Variants in CADM2 observed in about 807,000 individuals in gnomAD.
The protein encoded by CADM2 is immunoglobulin superfamily member 4D.
A neutral mutation model predicts 49.8 loss-of-function variants in CADM2; 12 were observed. That is an observed-to-expected ratio of 0.24 (90% CI 0.15 to 0.39). The LOEUF is 0.39. CADM2 is among the 10% of genes least tolerant of loss of function. CADM2 has a pLI of 1.00. For missense variants in CADM2, 378 were observed against 492.3 expected (o/e 0.77, Z 2.20); for synonymous variants, 214 against 175.4 (o/e 1.22, Z -1.74).
chr3:85,901,790 G>T (rs988279240), intron 5 of CADM2, among the ~76,000 whole-genome samples: 1 of 151,954 alleles, frequency 6.6e-6, no homozygotes, highest in Non-Finnish European at 1.5e-5. Flanking sequence ...GATAACTCCC[G>T]ACTTTCCCCC....
chr3:85,629,494 C>T (rs1344805346), intron 1 of CADM2, among the ~76,000 whole-genome samples: 1 of 151,640 alleles, frequency 6.6e-6, no homozygotes, highest in Non-Finnish European at 1.5e-5. Context: ...TTGTTACAAA[C>T]TGGTTATATA....
At chr3:85,045,310 C>T (rs564442056) in intron 1 of CADM2, among the ~76,000 whole-genome samples, 1 of 152,252 alleles carries the variant, frequency 6.6e-6, no homozygotes, top group East Asian at 1.9e-4. Flanking sequence ...GTATGAGTTA[C>T]ATAAAATACA....
At chr3:85,904,137 A>T (rs888941490) in intron 5 of CADM2, among the ~76,000 whole-genome samples, 11 of 151,982 alleles carry the variant, frequency 7.2e-5, no homozygotes, top group African/African-American at 2.7e-4. Flanking sequence ...CTTCAGAAAA[A>T]CACTTCCCTG....
rs578209215 is a variant in CADM2, at chr3:85,623,332, T to C, written c.62-103190T>C. 4.6e-5 allele frequency among the ~76,000 whole-genome samples: 7 copies of C among 152,304 alleles called. 1 individual carries two copies. The South Asian group carries it at 1.4e-3, about 32-fold the overall frequency. On this transcript the variant is annotated intron_variant, in intron 1 of 9. Coordinates refer to ENST00000383699, the MANE Select transcript of CADM2 (RefSeq NM_001167675.2). ...ATGTGCCTTTTCAAATGTATAGGGT[T>C]AAACCATTTTGATTATACGTTATAT...
At chr3:85,210,933 C>A (rs2041762975) in intron 1 of CADM2, among the ~76,000 whole-genome samples, 1 of 152,122 alleles carries the variant, frequency 6.6e-6, no homozygotes. Context: ...TGCTGAGAGA[C>A]CTTTAATTAT....
rs141317727 is a variant in CADM2, at chr3:85,695,589, TAC to T, written c.62-30916_62-30915del. Reference sequence around the variant, plus strand: ...ATATACACATATATATACGGGTACGTACACACACACACACACACGCACACAAA... The same window carrying T: ...ATATACACATATATATACGGGTACGTACACACACACACACACGCACACAAA... On this transcript the variant is annotated intron_variant, in intron 1 of 9. Transcript: ENST00000383699. Among the ~76,000 whole-genome samples the T allele has an allele frequency of 1.9e-3, 281 of 148,624 alleles. 1 individual carries two copies. The highest frequency in any genetic ancestry group is 2.4e-3 in the Non-Finnish European group (162 of 66,724).
At chr3:85,914,219 A>C (rs1649323818) in intron 6 of CADM2, among the ~76,000 whole-genome samples, 1 of 152,096 alleles carries the variant, frequency 6.6e-6, no homozygotes, top group African/African-American at 2.4e-5. Context: ...TCAGAGCCCA[A>C]ATGGAGATTA....
chr3:84,995,512 G>A (rs2033137047), intron 1 of CADM2, among the ~76,000 whole-genome samples: 1 of 152,160 alleles, frequency 6.6e-6, no homozygotes, highest in South Asian at 2.1e-4. Flanking sequence ...TAACAGTTGG[G>A]TTGGAATCCT....
In CADM2 at chr3:85,577,231, C is replaced by T. The variant is rs529205952; in HGVS notation, c.62-149291C>T. ...GCATTTAAGGATGCTATGATTTGAACGTGTCCCCCGGAGTTCATGTGTTGG... is the reference window on the plus strand; with the variant it reads ...GCATTTAAGGATGCTATGATTTGAATGTGTCCCCCGGAGTTCATGTGTTGG... On this transcript the variant is annotated intron_variant, in intron 1 of 9. Coordinates refer to ENST00000383699, the MANE Select transcript of CADM2 (RefSeq NM_001167675.2). 3.3e-5 allele frequency among the ~76,000 whole-genome samples: 5 copies of T among 152,166 alleles called. No individual in the cohort carries two copies. In the South Asian group the frequency reaches 8.3e-4, roughly 25 times the overall value.
intron 5 of CADM2, among the ~76,000 whole-genome samples, chr3:85,897,561 G>A (rs929760049): frequency 6.6e-6 from 1 of 151,802 alleles, no homozygotes; most frequent in South Asian, 2.1e-4. Flanking sequence ...GAGCCACCGC[G>A]CCCGGCCTAA....
At chr3:85,156,036 T>C (rs2040105957) in intron 1 of CADM2, among the ~76,000 whole-genome samples, 1 of 151,910 alleles carries the variant, frequency 6.6e-6, no homozygotes, top group Non-Finnish European at 1.5e-5. Flanking sequence ...TGGCCAAAAT[T>C]GACACCCTAA....
intron 8 of CADM2, among the ~76,000 whole-genome samples, chr3:86,046,781 ACC>A (rs952454528): frequency 1.4e-5 from 2 of 139,184 alleles, no homozygotes; most frequent in Non-Finnish European, 3.1e-5. Context: ...AACACCCCCA[ACC>A]CCCCCTCATT....
chr3:85,306,394 T>A (rs1335005316), intron 1 of CADM2, among the ~76,000 whole-genome samples: 4 of 151,862 alleles, frequency 2.6e-5, no homozygotes, highest in African/African-American at 7.2e-5. Flanking sequence ...ATGAAGGAAA[T>A]TGTATTCTAT....
chr3:85,777,014 A>G (rs2070391145), intron 2 of CADM2, among the ~76,000 whole-genome samples: 1 of 152,056 alleles, frequency 6.6e-6, no homozygotes, highest in African/African-American at 2.4e-5. Context: ...ATCAGGTTAT[A>G]CATTATTTAT....
intron 1 of CADM2, among the ~76,000 whole-genome samples, chr3:85,111,919 A>T (rs775134770): frequency 4.0e-5 from 6 of 151,876 alleles, no homozygotes; most frequent in Non-Finnish European, 8.8e-5. Flanking sequence ...TCGTTGTAGG[A>T]TTCTGTACTC....
chr3:85,783,042 C>A (rs926607771), intron 2 of CADM2, among the ~76,000 whole-genome samples: 1 of 152,018 alleles, frequency 6.6e-6, no homozygotes, highest in Non-Finnish European at 1.5e-5. Flanking sequence ...AATATTAGTA[C>A]ATAAACAAAA....
intron 1 of CADM2, among the ~76,000 whole-genome samples, chr3:85,421,986 A>G (rs1289526267): frequency 6.6e-6 from 1 of 152,182 alleles, no homozygotes; most frequent in Non-Finnish European, 1.5e-5. Context: ...TGATAACTTC[A>G]ATTTTTATCT....
At chr3:85,112,240 C>A (rs1314231106) in intron 1 of CADM2, among the ~76,000 whole-genome samples, 1 of 151,778 alleles carries the variant, frequency 6.6e-6, no homozygotes. Flanking sequence ...CACTGGAAAC[C>A]AATGGCCAAT....
At chr3:85,643,319 AATATTTTTT>A (rs2064783620) in intron 1 of CADM2, among the ~76,000 whole-genome samples, 1 of 152,208 alleles carries the variant, frequency 6.6e-6, no homozygotes, top group Non-Finnish European at 1.5e-5. Flanking sequence ...CATCCTAGAA[AATATTTTTT>A]ATTGTTAAAA....
Sources: gnomAD v4.1 joint callset for allele counts (sites outside exome capture counted in the v4.1 genomes callset) on GRCh38, gnomAD v4.1.1 for gene constraint, MANE v1.5 for transcripts, NCBI Gene and HGNC (gene_info 2026-07-23, HGNC 2026-07-21) for gene names.